The following TRPA1 variants were observed in gnomAD, a reference collection of about 807,000 sequenced individuals.
TRPA1 encodes the protein transient receptor potential cation channel subfamily A member 1.
In TRPA1, 129 loss-of-function variants were observed where a neutral mutation model predicts 131.3. That is an observed-to-expected ratio of 0.98 (90% confidence interval 0.85 to 1.14). TRPA1 has a LOEUF of 1.14. Among genes scored for constraint, TRPA1 ranks in the 50% most tolerant of loss-of-function variants. TRPA1 has a pLI of 0.00. For synonymous variants in TRPA1, 441 were observed against 451.7 expected (o/e 0.98, Z 0.30); for missense variants, 1,304 against 1,354.2 (o/e 0.96, Z 0.58).
At chr8:72,034,174 AT>A in intron 22 of TRPA1, 73 bp downstream of exon 22, 1 of 1,390,710 alleles carries the variant, frequency 7.2e-7, no homozygotes, top group East Asian at 2.5e-5. Context: ...TTTCTAGACT[AT>A]TTAGATTTAA....
At chr8:72,038,310 A>G (rs1002545795) in intron 19 of TRPA1, among the ~76,000 whole-genome samples, 1 of 152,092 alleles carries the variant, frequency 6.6e-6, no homozygotes, top group Non-Finnish European at 1.5e-5. Flanking sequence ...TGCTAATTGA[A>G]TTAAAAAAGA....
chr8:72,060,917 A>C (rs1805793974), intron 7 of TRPA1, among the ~76,000 whole-genome samples: 1 of 151,728 alleles, frequency 6.6e-6, no homozygotes, highest in Non-Finnish European at 1.5e-5. Flanking sequence ...GCCTATTGAA[A>C]ATATATTGGC....
chr8:72,049,306 A>G (rs1390678130), intron 15 of TRPA1, among the ~76,000 whole-genome samples: 2 of 152,204 alleles, frequency 1.3e-5, no homozygotes, highest in Non-Finnish European at 2.9e-5. Flanking sequence ...GATCAGTATT[A>G]GCATCATTAT....
chr8:72,052,716 G>T lies in TRPA1; in HGVS notation c.1694C>A (p.Ala565Glu). The T allele has an allele frequency of 6.2e-7, 1 of 1,613,774 alleles. No individual in the cohort carries two copies. Among genetic ancestry groups the T allele is most frequent in the Non-Finnish European group, 8.5e-7 (1 of 1,179,866 alleles). Residue 565 changes from alanine to glutamate, a missense_variant, in exon 14 of 27, where the codon GCG becomes GAG. Ala to Glu is a moderately radical substitution (Grantham distance 107). Coordinates refer to ENST00000262209, the MANE Select transcript of TRPA1 (RefSeq NM_007332.3). ...AAREGHAKAV[A>E]LLLSHNADIV... Reference sequence around the variant, plus strand: ...GTCAGCATTGTGGCTCAGAAGAAGCGCAACGGCTTTGGCGTGGCCTTCCCT... The same window carrying T: ...GTCAGCATTGTGGCTCAGAAGAAGCTCAACGGCTTTGGCGTGGCCTTCCCT...
intron 21 of TRPA1, 27 bp downstream of exon 21, chr8:72,036,261 T>C (rs1037037116): frequency 8.7e-6 from 14 of 1,610,514 alleles, no homozygotes; most frequent in Non-Finnish European, 1.0e-5. Flanking sequence ...GCTTAAAGGA[T>C]GTGGAAATAA....
At chr8:72,038,664 C>T in intron 19 of TRPA1, 1 of 538,694 alleles carries the variant, frequency 1.9e-6, no homozygotes, top group Non-Finnish European at 3.2e-6. Context: ...AATTAGTTTA[C>T]AAACTCATTA....
At chr8:72,074,380 C>T (rs762555135) in intron 1 of TRPA1, among the ~76,000 whole-genome samples, 18 of 152,238 alleles carry the variant, frequency 1.2e-4, no homozygotes, top group Non-Finnish European at 2.1e-4. Flanking sequence ...TCTGTGAGTT[C>T]TTAACTTTGC....
the TRPA1 span, among the ~76,000 whole-genome samples, chr8:72,080,649 T>A: frequency 0.046 from 5,826 of 127,228 alleles, 375 homozygotes; most frequent in African/African-American, 0.19. Context: ...ATTGGTATTA[T>A]TTTTTTTAAA....
intron 22 of TRPA1, 23 bp from the exon 23 acceptor site, chr8:72,033,849 A>C (rs200623988): frequency 6.2e-7 from 1 of 1,608,336 alleles, no homozygotes; most frequent in Non-Finnish European, 8.5e-7. Context: ...GGTGAGGTAC[A>C]AATGAAATGC....
intron 18 of TRPA1, among the ~76,000 whole-genome samples, chr8:72,039,293 G>T (rs2129433984): frequency 6.6e-6 from 1 of 152,058 alleles, no homozygotes; most frequent in East Asian, 1.9e-4. Flanking sequence ...GCTCTTCCTA[G>T]AACACACCTC....
intron 4 of TRPA1, among the ~76,000 whole-genome samples, chr8:72,064,519 A>G (rs1174684349): frequency 6.6e-6 from 1 of 151,940 alleles, no homozygotes; most frequent in Non-Finnish European, 1.5e-5. Context: ...AGTGTTAGTT[A>G]ACTTATTTTT....
the TRPA1 span, among the ~76,000 whole-genome samples, chr8:72,087,245 T>TG: frequency 6.6e-6 from 1 of 152,228 alleles, no homozygotes; most frequent in African/African-American, 2.4e-5. Context: ...AATCTGATTA[T>TG]GCAGACCTGA....
Position 72,022,959 on chromosome 8 carries a change from A to G in TRPA1, c.3307T>C (p.Trp1103Arg). 1 of 1,613,878 alleles carries G rather than the reference A, an allele frequency of 6.2e-7. No homozygotes were observed. The highest frequency in any genetic ancestry group is 8.5e-7 in the Non-Finnish European group (1 of 1,179,860). The change falls in exon 27 of 27, where the codon TGG becomes CGG. Residue 1103 changes from tryptophan (W) to arginine (R), a missense_variant. Transcript: ENST00000262209. Reference sequence around the variant, plus strand: ...TTGACTGCTCTCAACACAGTATTCCATCTGCTATTCCTTTGTTCCATCTGC... The same window carrying G: ...TTGACTGCTCTCAACACAGTATTCCGTCTGCTATTCCTTTGTTCCATCTGC... ...KEQMEQRNSR[W>R]NTVLRAVKAK... is the part of the protein sequence containing the mutation.
At chr8:72,055,884 T>A (rs1261686959) in intron 10 of TRPA1, 29 bp from the exon 11 acceptor site, 2 of 1,607,042 alleles carry the variant, frequency 1.2e-6, no homozygotes, top group African/African-American at 2.7e-5. Flanking sequence ...ATCATACAAA[T>A]AACTCTGCTA....
chr8:72,039,079 A>C, intron 18 of TRPA1, 52 bp from the exon 19 acceptor site: 1 of 1,584,088 alleles, frequency 6.3e-7, no homozygotes, highest in Non-Finnish European at 8.6e-7. Context: ...AAAAATATTT[A>C]CTTAAGATAC....
In TRPA1 at chr8:72,022,760, GT is replaced by G; in HGVS notation, c.*145del. 1 of 758,234 alleles carries G rather than the reference GT, an allele frequency of 1.3e-6. No individual in the cohort carries two copies. Among genetic ancestry groups the G allele is most frequent in the Non-Finnish European group, 2.3e-6 (1 of 444,100 alleles). The allele number at this position is 758,234 out of a possible 1,614,324, so 47.0% of individuals were successfully genotyped here. On this transcript the variant is annotated 3_prime_UTR_variant, in exon 27 of 27. Coordinates refer to ENST00000262209, the MANE Select transcript of TRPA1 (RefSeq NM_007332.3). ...AAATATGAATAGAGGATAAAAGATG[GT>G]TTACTTTTATACAGCATGCAGGAAC...
chr8:72,041,683 T>C (rs1302209484), intron 17 of TRPA1, among the ~76,000 whole-genome samples: 2 of 151,834 alleles, frequency 1.3e-5, no homozygotes, highest in Non-Finnish European at 2.9e-5. Flanking sequence ...AAACATAATA[T>C]ACCAAAATGC....
rs149836096 is a variant in TRPA1 at position 72,032,229 on chromosome 8, A to T, written c.2868+1415T>A. 2.5e-3 allele frequency among the ~76,000 whole-genome samples: 376 copies of T among 152,320 alleles called. 1 individual carries two copies. The highest frequency in any genetic ancestry group is 8.6e-3 in the African/African-American group (357 of 41,580). On this transcript the variant is annotated intron_variant, in intron 23 of 26. Coordinates refer to ENST00000262209, the MANE Select transcript of TRPA1 (RefSeq NM_007332.3). ...TTGAAGAGGCATGGAAAATATTTTT[A>T]AAAGCCACTGATGTGTTCAGTTTTT...
the TRPA1 span, among the ~76,000 whole-genome samples, chr8:72,089,003 T>A: frequency 6.6e-6 from 1 of 152,072 alleles, no homozygotes; most frequent in African/African-American, 2.4e-5. Context: ...AAAGGAAATC[T>A]TGCTAAGAGT....
Sources: gnomAD v4.1 joint callset for allele counts (sites outside exome capture counted in the v4.1 genomes callset) on GRCh38, gnomAD v4.1.1 for gene constraint, MANE v1.5 for transcripts, NCBI Gene and HGNC (gene_info 2026-07-23, HGNC 2026-07-21) for gene names.